The following DPP4 variants were observed in gnomAD, a reference collection of about 807,000 sequenced individuals.
DPP4 encodes ADCP-2.
Under a neutral mutation model 122.4 loss-of-function variants are expected in DPP4, and 93 were observed. That is an observed-to-expected ratio of 0.76 (90% CI 0.64 to 0.90). The LOEUF (loss-of-function observed/expected upper bound fraction) is 0.90, where lower values mean the gene tolerates loss of function less well. Among genes scored for constraint, DPP4 ranks in the 40% least tolerant of loss-of-function variants. The pLI is 0.00. For synonymous variants in DPP4, 321 were observed against 302.9 expected, an observed-to-expected ratio of 1.06 and a Z score of -0.62; for missense variants, 914 against 907.3, an observed-to-expected ratio of 1.01 and a Z score of -0.09.
Position 162,038,314 on chromosome 2 carries a change from A to T in DPP4, c.601T>A (p.Trp201Arg), listed in dbSNP as rs1166107045. Residue 201 changes from tryptophan to arginine, a missense_variant, in exon 8 of 26, where the codon TGG becomes AGG. Trp to Arg is a moderately radical substitution (Grantham distance 101). Transcript: ENST00000360534. Reference protein sequence around the residue: ...EDIIYNGITDWVYEEEVFSAY... With the variant: ...EDIIYNGITDRVYEEEVFSAY... The stretch of plus-strand genomic sequence containing the variant: ...TTAAAGTTTCTACCTTCATAAACCC[A>T]GTCAGTTATTCCATTATATATTATA... 6.3e-7 allele frequency: 1 copy of T among 1,581,280 alleles called. No individual in the cohort carries two copies. The highest frequency in any genetic ancestry group is 8.6e-7 in the Non-Finnish European group (1 of 1,167,278).
At chr2:162,011,590 T>G (rs1196788874) in intron 20 of DPP4, among the ~76,000 whole-genome samples, 2 of 151,968 alleles carry the variant, frequency 1.3e-5, no homozygotes, top group African/African-American at 4.8e-5. Flanking sequence ...AGGAAATGCT[T>G]TTTTTTTGAA....
chr2:162,002,705 G>A (rs1034973690), intron 23 of DPP4, among the ~76,000 whole-genome samples: 1 of 152,064 alleles, frequency 6.6e-6, no homozygotes, highest in Non-Finnish European at 1.5e-5. Context: ...AGAGAGAGGA[G>A]AAAAGAAAAA....
In DPP4 at chr2:162,017,136, A is replaced by G. The variant is rs200433211; in HGVS notation, c.1440T>C (p.Tyr480=). ...LRCSGPGLPL[Y]TLHSSVNDKG... ...TATCATTCACGCTGCTGTGTAGAGT[A>G]TAGAGGGGCAGACCAGGACCTGTTA... Residue 480 remains tyrosine, a synonymous_variant, in exon 17 of 26, where the codon TAT becomes TAC. Coordinates refer to ENST00000360534, the MANE Select transcript of DPP4 (RefSeq NM_001935.4). 1 of 1,612,278 alleles carries G rather than the reference A, an allele frequency of 6.2e-7. No homozygotes were observed. Among genetic ancestry groups the G allele is most frequent in the Non-Finnish European group, 8.5e-7 (1 of 1,179,826 alleles).
At chr2:162,001,394 A>G (rs1487837878) in intron 23 of DPP4, among the ~76,000 whole-genome samples, 1 of 152,178 alleles carries the variant, frequency 6.6e-6, no homozygotes, top group Non-Finnish European at 1.5e-5. Context: ...ACATGCTCCT[A>G]AGGTATAGAA....
intron 10 of DPP4, among the ~76,000 whole-genome samples, chr2:162,028,600 C>T (rs2268889): frequency 0.36 from 54,927 of 152,012 alleles, 10,289 homozygotes; most frequent in East Asian, 0.7. Context: ...GACAACTTAC[C>T]CAGGTTAGAC....
At chr2:162,041,945 G>C (rs1366502619) in intron 5 of DPP4, among the ~76,000 whole-genome samples, 2 of 152,172 alleles carry the variant, frequency 1.3e-5, no homozygotes, top group Admixed American at 6.6e-5. Flanking sequence ...AGATATAATG[G>C]AGGTGGGTGG....
intron 9 of DPP4, 148 bp from the exon 10 acceptor site, chr2:162,033,801 T>A: frequency 2.1e-6 from 1 of 469,862 alleles, no homozygotes; most frequent in Non-Finnish European, 3.7e-6. Context: ...ATACATAAAA[T>A]GAACATAAGG....
At chr2:162,059,195 G>C (rs1420778513) in intron 2 of DPP4, among the ~76,000 whole-genome samples, 1 of 152,144 alleles carries the variant, frequency 6.6e-6, no homozygotes, top group Non-Finnish European at 1.5e-5. Flanking sequence ...CACACACAGG[G>C]AGCCAGCACT....
rs139032756 is a variant in DPP4 at position 162,018,631 on chromosome 2, G to A, written c.1420+98C>T. On this transcript the variant is annotated intron_variant, in intron 16 of 25. Transcript: ENST00000360534. ...TGAGTGGAGAGAAGGGGACTTAGGT[G>A]ATTTCAAGAGCTCCTCAGATTCAAA... The A allele has an allele frequency of 3.1e-4, 458 of 1,458,776 alleles. 1 individual carries two copies. In the African/African-American group the frequency reaches 6.0e-3, roughly 19 times the overall value. The allele number at this position is 1,458,776 out of a possible 1,614,324, so 90.4% of individuals were successfully genotyped here.
chr2:162,073,444 GC>G lies in DPP4; in HGVS notation c.48del (p.Val18SerfsTer11). The G allele has an allele frequency of 6.2e-7, 1 of 1,614,118 alleles. No homozygotes were observed. Among genetic ancestry groups the G allele is most frequent in the East Asian group, 2.2e-5 (1 of 44,884 alleles). ...ACGGGCACGGTGATGATGGTGACAA[GC>G]GCAGCAGCACCCAGCAGTCCCAGAA... Reference protein sequence around the residue: ...KVLLGLLGAAALVTIITVPVV... With the variant: ...KVLLGLLGAAXLVTIITVPVV... On this transcript the variant is annotated frameshift_variant, in exon 2 of 26. Coordinates refer to ENST00000360534, the MANE Select transcript of DPP4 (RefSeq NM_001935.4). LOFTEE classifies it high-confidence loss of function.
intron 2 of DPP4, among the ~76,000 whole-genome samples, chr2:162,062,161 A>G: frequency 6.6e-6 from 1 of 151,968 alleles, no homozygotes; most frequent in Non-Finnish European, 1.5e-5. Flanking sequence ...GCACACCTAT[A>G]GTGCCAGCTA....
At chr2:162,065,598 T>TA in intron 2 of DPP4, among the ~76,000 whole-genome samples, 1 of 152,192 alleles carries the variant, frequency 6.6e-6, no homozygotes, top group East Asian at 1.9e-4. Flanking sequence ...ACAATCCTCA[T>TA]ACAGCATCAG....
chr2:162,018,982 C>T lies in DPP4; in HGVS notation c.1299-132G>A, dbSNP rs1391175599. 27 of 1,121,158 alleles carry T rather than the reference C, an allele frequency of 2.4e-5. No homozygotes were observed. The East Asian group carries it at 6.5e-4, about 27-fold the overall frequency. The allele number at this position is 1,121,158 out of a possible 1,614,324, so 69.5% of individuals were successfully genotyped here. ...ATCTTTAGGACTTTTTTTTTTTTAGCATGAAATAAATACATGAATTAATAG... is the reference window on the plus strand; with the variant it reads ...ATCTTTAGGACTTTTTTTTTTTTAGTATGAAATAAATACATGAATTAATAG... On this transcript the variant is annotated intron_variant, in intron 15 of 25. Transcript: ENST00000360534.
intron 5 of DPP4, among the ~76,000 whole-genome samples, chr2:162,042,344 C>G (rs1559719396): frequency 6.6e-6 from 1 of 152,136 alleles, no homozygotes; most frequent in Non-Finnish European, 1.5e-5. Flanking sequence ...AGGCAATGAG[C>G]AGAGATGCTA....
intron 2 of DPP4, among the ~76,000 whole-genome samples, chr2:162,066,337 A>G (rs1198841717): frequency 6.6e-6 from 1 of 151,800 alleles, no homozygotes; most frequent in Non-Finnish European, 1.5e-5. Flanking sequence ...AACCACACCA[A>G]CCCCAAACTA....
chr2:162,041,352 G>C (rs1683980252), intron 5 of DPP4, among the ~76,000 whole-genome samples: 1 of 152,064 alleles, frequency 6.6e-6, no homozygotes, highest in Non-Finnish European at 1.5e-5. Flanking sequence ...TCTAGTGCAA[G>C]CCACATAGTG....
chr2:162,000,004 C>T (rs1382345545), intron 23 of DPP4, among the ~76,000 whole-genome samples: 3 of 152,104 alleles, frequency 2.0e-5, no homozygotes, highest in Non-Finnish European at 4.4e-5. Context: ...ACAGAAATTG[C>T]GGACATGTTG....
intron 20 of DPP4, among the ~76,000 whole-genome samples, chr2:162,010,639 T>G (rs1682666502): frequency 6.6e-6 from 1 of 152,200 alleles, no homozygotes; most frequent in African/African-American, 2.4e-5. Flanking sequence ...CCCTCTCTCA[T>G]AGAGGAGCGA....
intron 2 of DPP4, among the ~76,000 whole-genome samples, chr2:162,057,116 C>T (rs974407363): frequency 1.2e-4 from 18 of 152,206 alleles, no homozygotes; most frequent in African/African-American, 4.1e-4. Flanking sequence ...CCCTAACCTC[C>T]AAGCTTTGAG....
Sources: allele counts gnomAD v4.1 joint callset (sites outside exome capture counted in the v4.1 genomes callset), GRCh38; gene constraint gnomAD v4.1.1; transcripts MANE v1.5; gene names NCBI Gene and HGNC (gene_info 2026-07-23, HGNC 2026-07-21).